SEL1L3: variants seen among roughly 807,000 people sequenced by gnomAD.
The protein encoded by SEL1L3 is protein sel-1 homolog 3.
SEL1L3 carries 76 observed loss-of-function variants against 142.8 expected under a neutral mutation model. The observed-to-expected ratio is 0.53, with a 90% confidence interval of 0.44 to 0.64. The LOEUF (loss-of-function observed/expected upper bound fraction) is 0.64, where lower values mean the gene tolerates loss of function less well. Among genes scored for constraint, SEL1L3 ranks in the 30% least tolerant of loss-of-function variants. The pLI is 0.00. For missense variants in SEL1L3, 1,262 were observed against 1,381.7 expected (o/e 0.91, Z 1.37); for synonymous variants, 504 against 519.6 (o/e 0.97, Z 0.41).
In SEL1L3 at chr4:25,804,444, G is replaced by A. The variant is rs555887000; in HGVS notation, c.1776+97C>T. The A allele has an allele frequency of 2.1e-5, 18 of 862,938 alleles. No homozygotes were observed. The South Asian group carries it at 2.7e-4, about 13-fold the overall frequency. The allele number at this position is 862,938 out of a possible 1,614,324, so 53.5% of individuals were successfully genotyped here. ...GTAAAGATTTTTAAAGGTCTCCAAG[G>A]AGCTGCAACATGTCCAGTTCTACCA... On this transcript the variant is annotated intron_variant, in intron 10 of 23. Transcript: ENST00000399878.
Position 25,818,286 on chromosome 4 carries a change from G to A in SEL1L3, c.1424-8C>T, listed in dbSNP as rs1205996237. Reference sequence around the variant, plus strand: ...AGGAGTTGTGGAGGTGGCCTACACAGAAGAGGGAGCAGAAGATATCACACC... The same window carrying A: ...AGGAGTTGTGGAGGTGGCCTACACAAAAGAGGGAGCAGAAGATATCACACC... On this transcript the variant is annotated splice_region_variant and splice_polypyrimidine_tract_variant and intron_variant, in intron 8 of 23. Transcript: ENST00000399878. The A allele has an allele frequency of 6.3e-7, 1 of 1,594,156 alleles. No individual in the cohort carries two copies. Among genetic ancestry groups the A allele is most frequent in the Admixed American group, 1.8e-5 (1 of 56,774 alleles).
chr4:25,780,030 C>G (rs1282935388), intron 15 of SEL1L3, among the ~76,000 whole-genome samples: 1 of 152,142 alleles, frequency 6.6e-6, no homozygotes, highest in Non-Finnish European at 1.5e-5. Context: ...AAAGAATAAT[C>G]TTCCAATTCT....
chr4:25,763,690 C>A (rs7700064), intron 20 of SEL1L3, among the ~76,000 whole-genome samples: 115,347 of 152,080 alleles, frequency 0.76, 43,830 homozygotes, highest in East Asian at 0.81. Context: ...TCTACAAAAA[C>A]TACAAAAATT....
At chr4:25,808,914 C>T (rs57436419) in intron 9 of SEL1L3, among the ~76,000 whole-genome samples, 1 of 17,714 alleles carries the variant, frequency 5.6e-5, no homozygotes, top group African/African-American at 1.9e-4. Context: ...ACTAAAAATA[C>T]AAAAAAAAAT....
chr4:25,734,472 T>G, the SEL1L3 span, among the ~76,000 whole-genome samples: 2 of 152,250 alleles, frequency 1.3e-5, no homozygotes, highest in African/African-American at 4.8e-5. Flanking sequence ...GTTTTAAATG[T>G]TAAACAACCT....
chr4:25,749,584 T>A (rs1373537569), intron 23 of SEL1L3, among the ~76,000 whole-genome samples: 1 of 152,194 alleles, frequency 6.6e-6, no homozygotes, highest in African/African-American at 2.4e-5. Context: ...GGCCTCTTTG[T>A]CTCTGCTCAT....
chr4:25,835,481 C>T (rs1186556633), intron 2 of SEL1L3, among the ~76,000 whole-genome samples, 158 bp from the exon 3 acceptor site: 1 of 152,234 alleles, frequency 6.6e-6, no homozygotes, highest in Non-Finnish European at 1.5e-5. Flanking sequence ...TGCCAAGCAC[C>T]ATGCTAAGCA....
At chr4:25,735,356 C>T in the SEL1L3 span, among the ~76,000 whole-genome samples, 2 of 151,928 alleles carry the variant, frequency 1.3e-5, no homozygotes, top group Admixed American at 1.3e-4. Context: ...TCTTATTACT[C>T]TTTTAATGTC....
chr4:25,837,891 A>G (rs1715940272), intron 2 of SEL1L3, among the ~76,000 whole-genome samples: 1 of 152,192 alleles, frequency 6.6e-6, no homozygotes, highest in Non-Finnish European at 1.5e-5. Context: ...TGGAATGGGT[A>G]GCAACAATAC....
intron 10 of SEL1L3, among the ~76,000 whole-genome samples, chr4:25,804,074 A>G (rs562415723): frequency 1.9e-4 from 29 of 152,368 alleles, no homozygotes; most frequent in African/African-American, 7.0e-4. Flanking sequence ...GACTAGTTGC[A>G]TAATAAATTT....
chr4:25,843,653 A>G (rs779122162), intron 2 of SEL1L3, among the ~76,000 whole-genome samples: 6 of 152,352 alleles, frequency 3.9e-5, no homozygotes, highest in African/African-American at 1.4e-4. Context: ...CTATGGCTAC[A>G]TATGCCCCCC....
At chr4:25,813,681 G>A (rs972155664) in intron 9 of SEL1L3, among the ~76,000 whole-genome samples, 1 of 152,118 alleles carries the variant, frequency 6.6e-6, no homozygotes, top group African/African-American at 2.4e-5. Flanking sequence ...ACCTAAAACT[G>A]GTTCAGATGG....
intron 12 of SEL1L3, among the ~76,000 whole-genome samples, chr4:25,790,130 T>A (rs1173958424): frequency 6.6e-6 from 1 of 152,068 alleles, no homozygotes; most frequent in African/African-American, 2.4e-5. Context: ...TCTGGGTGAG[T>A]GGCAGAACTT....
At chr4:25,816,438 C>T (rs1352390510) in intron 9 of SEL1L3, among the ~76,000 whole-genome samples, 1 of 152,172 alleles carries the variant, frequency 6.6e-6, no homozygotes, top group African/African-American at 2.4e-5. Context: ...CCTACTTGTC[C>T]TTTGTGCCCA....
At chr4:25,741,198 G>A in the SEL1L3 span, among the ~76,000 whole-genome samples, 11 of 151,594 alleles carry the variant, frequency 7.3e-5, 1 homozygote, top group South Asian at 4.2e-4. Flanking sequence ...TTCACCTCCC[G>A]GGTTCAAAAG....
chr4:25,729,455 T>A, the SEL1L3 span, among the ~76,000 whole-genome samples: 1 of 152,324 alleles, frequency 6.6e-6, no homozygotes, highest in East Asian at 1.9e-4. Context: ...GGCTTGCACC[T>A]GTAATCTCAG....
chr4:25,823,339 A>AG (rs1307783491), intron 6 of SEL1L3, among the ~76,000 whole-genome samples: 2 of 152,134 alleles, frequency 1.3e-5, no homozygotes, highest in Non-Finnish European at 2.9e-5. Flanking sequence ...AACATGGTGA[A>AG]GCCCATCTCT....
At chr4:25,778,001 C>A in intron 16 of SEL1L3, 1 of 364,244 alleles carries the variant, frequency 2.7e-6, no homozygotes, top group East Asian at 7.7e-5. Context: ...AAAAAGCATT[C>A]TTAGCTCTTG....
intron 11 of SEL1L3, among the ~76,000 whole-genome samples, chr4:25,794,240 T>A (rs1313717782): frequency 6.6e-6 from 1 of 152,112 alleles, no homozygotes; most frequent in Non-Finnish European, 1.5e-5. Flanking sequence ...ACAACAAACC[T>A]ACAGAATGGG....
Sources: allele counts gnomAD v4.1 joint callset (sites outside exome capture counted in the v4.1 genomes callset), GRCh38; gene constraint gnomAD v4.1.1; transcripts MANE v1.5; gene names NCBI Gene and HGNC (gene_info 2026-07-23, HGNC 2026-07-21).